The following RIN2 variants were observed in gnomAD, a reference collection of about 807,000 sequenced individuals.
The protein encoded by RIN2 is RAB5 interacting protein 2.
A neutral mutation model predicts 78.0 loss-of-function variants in RIN2; 36 were observed. That is an observed-to-expected ratio of 0.46 (90% CI 0.35 to 0.61). The LOEUF is 0.61. Among genes scored for constraint, RIN2 ranks in the 20% least tolerant of loss-of-function variants. The pLI is 0.00. For synonymous variants in RIN2, 466 were observed against 466.8 expected (o/e 1.00, Z 0.02); for missense variants, 1,087 against 1,159.7 (o/e 0.94, Z 0.91).
chr20:19,873,196 C>G (rs890885467), intron 2 of RIN2, among the ~76,000 whole-genome samples: 1 of 151,910 alleles, frequency 6.6e-6, no homozygotes, highest in Non-Finnish European at 1.5e-5. Context: ...GCAATCTCGG[C>G]TCACTGCAGC....
At chr20:19,803,134 A>T (rs925868501) in intron 2 of RIN2, among the ~76,000 whole-genome samples, 4 of 152,252 alleles carry the variant, frequency 2.6e-5, no homozygotes, top group African/African-American at 9.6e-5. Flanking sequence ...CTTAATGAAG[A>T]TGAAATGTAT....
At chr20:19,965,124 T>G in intron 7 of RIN2, 100 bp downstream of exon 7, 2 of 938,858 alleles carry the variant, frequency 2.1e-6, no homozygotes, top group Non-Finnish European at 3.4e-6. Context: ...TGGCCACCTA[T>G]TTGATGTTGG....
At chr20:19,909,855 C>G (rs1384622553) in intron 3 of RIN2, among the ~76,000 whole-genome samples, 2 of 152,230 alleles carry the variant, frequency 1.3e-5, no homozygotes, top group Non-Finnish European at 2.9e-5. Flanking sequence ...AGCAGGCAGC[C>G]TGGGTGTGGT....
At chr20:19,934,867 T>C (rs942205247) in intron 3 of RIN2, among the ~76,000 whole-genome samples, 1 of 151,734 alleles carries the variant, frequency 6.6e-6, no homozygotes, top group African/African-American at 2.4e-5. Flanking sequence ...CTTTTCCTTA[T>C]TACAATACCG....
At chr20:19,839,327 A>C (rs879246884) in intron 2 of RIN2, among the ~76,000 whole-genome samples, 1 of 152,264 alleles carries the variant, frequency 6.6e-6, no homozygotes. Flanking sequence ...GCCCTTGGGC[A>C]TGCCCTGGAA....
intron 9 of RIN2, among the ~76,000 whole-genome samples, chr20:19,977,841 G>C (rs904525748): frequency 6.6e-6 from 1 of 152,120 alleles, no homozygotes; most frequent in South Asian, 2.1e-4. Context: ...TGCTTTTTCT[G>C]TGGGTTTGTT....
chr20:19,850,085 T>C (rs1338786410), intron 2 of RIN2, among the ~76,000 whole-genome samples: 1 of 152,200 alleles, frequency 6.6e-6, no homozygotes, highest in African/African-American at 2.4e-5. Context: ...CCTGAGGAGC[T>C]TTTGGCCTGG....
intron 2 of RIN2, among the ~76,000 whole-genome samples, chr20:19,886,023 G>A (rs891875423): frequency 3.3e-5 from 5 of 152,208 alleles, no homozygotes; most frequent in African/African-American, 1.2e-4. Context: ...AGGCGACGGG[G>A]GAGGGCAGAG....
At chr20:19,788,332 T>C (rs1439286697) in intron 1 of RIN2, among the ~76,000 whole-genome samples, 6 of 151,208 alleles carry the variant, frequency 4.0e-5, no homozygotes, top group Non-Finnish European at 8.8e-5. Context: ...CATTGCCTCA[T>C]GCCTGTAATC....
chr20:19,765,934 A>C (rs1456249821), intron 1 of RIN2, among the ~76,000 whole-genome samples: 1 of 148,890 alleles, frequency 6.7e-6, no homozygotes, highest in African/African-American at 2.6e-5. Context: ...GGAGGGAGGG[A>C]AGGAGGGACA....
intron 3 of RIN2, among the ~76,000 whole-genome samples, chr20:19,910,167 T>A (rs1215820470): frequency 2.6e-5 from 4 of 152,222 alleles, no homozygotes; most frequent in African/African-American, 7.2e-5. Flanking sequence ...TTTATTTTAA[T>A]TTTTTTCATA....
At chr20:19,887,220 C>T (rs923440247) in intron 2 of RIN2, among the ~76,000 whole-genome samples, 2 of 151,248 alleles carry the variant, frequency 1.3e-5, no homozygotes, top group East Asian at 3.9e-4. Context: ...GACAGGGTCT[C>T]GCTATGTTGC....
chr20:19,924,440 T>C (rs1049714376), intron 3 of RIN2, among the ~76,000 whole-genome samples: 2 of 95,740 alleles, frequency 2.1e-5, no homozygotes, highest in African/African-American at 3.4e-5. Context: ...ACCCCCACCT[T>C]CATACCCTCA....
At chr20:19,863,882 A>G (rs1319827107) in intron 2 of RIN2, among the ~76,000 whole-genome samples, 1 of 151,896 alleles carries the variant, frequency 6.6e-6, no homozygotes, top group Non-Finnish European at 1.5e-5. Context: ...TCATCTTCAC[A>G]CTGCTCTGGG....
At chr20:19,926,057 A>G (rs1017868890) in intron 3 of RIN2, among the ~76,000 whole-genome samples, 8 of 152,244 alleles carry the variant, frequency 5.3e-5, no homozygotes, top group Non-Finnish European at 7.3e-5. Context: ...AGTGTGGATA[A>G]ACCTCATTAC....
chr20:19,935,608 G>A (rs2040607341), intron 4 of RIN2: 4 of 993,674 alleles, frequency 4.0e-6, no homozygotes, highest in Non-Finnish European at 4.8e-6. Context: ...GCATTCTCAG[G>A]TCAGAGAAAA....
At chr20:19,820,896 G>A (rs556137657) in intron 2 of RIN2, among the ~76,000 whole-genome samples, 6 of 152,204 alleles carry the variant, frequency 3.9e-5, no homozygotes, top group Admixed American at 1.3e-4. Context: ...ACTTCCATGC[G>A]GTATAAATAC....
At chr20:19,830,732 G>A (rs1381866510) in intron 2 of RIN2, among the ~76,000 whole-genome samples, 3 of 152,198 alleles carry the variant, frequency 2.0e-5, no homozygotes, top group Admixed American at 6.5e-5. Context: ...CTTGTTGCCC[G>A]GCTGCTGGGA....
At chr20:19,934,877 G>A (rs752249999) in intron 3 of RIN2, among the ~76,000 whole-genome samples, 12 of 150,094 alleles carry the variant, frequency 8.0e-5, no homozygotes, top group African/African-American at 1.5e-4. Flanking sequence ...TTACAATACC[G>A]AAACCTAAGT....
Sources: allele counts gnomAD v4.1 joint callset (sites outside exome capture counted in the v4.1 genomes callset), GRCh38; gene constraint gnomAD v4.1.1; transcripts MANE v1.5; gene names NCBI Gene and HGNC (gene_info 2026-07-23, HGNC 2026-07-21).